Variants in EIF4G2 observed in about 807,000 individuals in gnomAD.
EIF4G2 encodes eukaryotic translation initiation factor 4 gamma 2, also known as DAP-5.
In EIF4G2, 8 loss-of-function variants were observed where a neutral mutation model predicts 117.7. That is an observed-to-expected ratio of 0.07 (90% CI 0.04 to 0.12). The LOEUF is 0.12. EIF4G2 is among the 10% of genes least tolerant of loss of function. The pLI, the probability that EIF4G2 is intolerant of heterozygous loss-of-function variation, is 1.00. For synonymous variants in EIF4G2, 413 were observed against 367.8 expected (o/e 1.12, Z -1.41); for missense variants, 812 against 1,086.2 (o/e 0.75, Z 3.55).
chr11:10,804,705 A>G (rs987950352), intron 5 of EIF4G2: 2 of 603,826 alleles, frequency 3.3e-6, no homozygotes, highest in Non-Finnish European at 5.7e-6. Context: ...TACCTCTTCA[A>G]CCATACCATG....
intron 1 of EIF4G2, chr11:10,807,732 G>C: frequency 2.0e-6 from 2 of 992,874 alleles, no homozygotes; most frequent in Non-Finnish European, 2.4e-6. Flanking sequence ...TCTGCCCTAG[G>C]AATTTTTACT....
At chr11:10,805,223 G>C (rs75797111) in intron 4 of EIF4G2, among the ~76,000 whole-genome samples, 1,835 of 152,288 alleles carry the variant, frequency 0.012, 36 homozygotes, top group African/African-American at 0.039. Context: ...GGGGTCCCCA[G>C]CTGTTTGACA....
chr11:10,804,731 T>A, intron 5 of EIF4G2, 182 bp downstream of exon 5: 1 of 613,072 alleles, frequency 1.6e-6, no homozygotes, highest in Non-Finnish European at 2.8e-6. Context: ...AACATTTACC[T>A]CTTCAATCTA....
chr11:10,800,618 A>G lies in EIF4G2; in HGVS notation c.1674T>C (p.Ser558=). The change falls in exon 17 of 22, where the codon AGT becomes AGC. Residue 558 remains serine (S), a synonymous_variant. Transcript: ENST00000339995. ...CATTGACAGCCTCATTTGCATTTCC[A>G]CTATTTAGATATTCAGTCACAACAG... 1.2e-6 allele frequency: 2 copies of G among 1,614,134 alleles called. No homozygotes were observed. The highest frequency in any genetic ancestry group is 2.2e-5 in the East Asian group (1 of 44,874).
chr11:10,804,898 A>G lies in EIF4G2; in HGVS notation c.351+15T>C, dbSNP rs201384462. Reference sequence around the variant, plus strand: ...TCCCTCTCCCTTTTGAGTTAAGCCAATATTTAAAACTTACCAGCAGTATGA... The same window carrying G: ...TCCCTCTCCCTTTTGAGTTAAGCCAGTATTTAAAACTTACCAGCAGTATGA... On this transcript the variant is annotated intron_variant, in intron 5 of 21. Coordinates refer to ENST00000339995, the MANE Select transcript of EIF4G2 (RefSeq NM_001418.4). The G allele has an allele frequency of 3.3e-5, 53 of 1,599,940 alleles. No individual in the cohort carries two copies. In the African/African-American group the frequency reaches 5.2e-4, roughly 16 times the overall value.
At chr11:10,798,330 G>GA (rs969695876) in intron 21 of EIF4G2, among the ~76,000 whole-genome samples, 2 of 152,236 alleles carry the variant, frequency 1.3e-5, no homozygotes, top group Middle Eastern at 3.4e-3. Flanking sequence ...CATTCAATAA[G>GA]AAAAAATCAA....
chr11:10,807,500 T>A, intron 1 of EIF4G2, 119 bp from the exon 2 acceptor site: 1 of 1,343,554 alleles, frequency 7.4e-7, no homozygotes, highest in Non-Finnish European at 9.5e-7. Context: ...TCTGTAAGAC[T>A]AACCTAAAAT....
rs770358480 is a variant in EIF4G2, at chr11:10,802,395, A to G, written c.1037T>C (p.Met346Thr). Reference sequence around the variant, plus strand: ...TCCCTCCAGAAAGAAGTCACTTCTCATCCCTTGAGCCATAGGAGCAGGAAT... The same window carrying G: ...TCCCTCCAGAAAGAAGTCACTTCTCGTCCCTTGAGCCATAGGAGCAGGAAT... The change falls in exon 12 of 22, where the codon ATG becomes ACG. Residue 346 changes from methionine to threonine, a missense_variant. Transcript: ENST00000339995. The G allele has an allele frequency of 6.2e-7, 1 of 1,613,162 alleles. No individual in the cohort carries two copies. Among genetic ancestry groups the G allele is most frequent in the Admixed American group, 1.7e-5 (1 of 59,818 alleles).
At chr11:10,801,806 T>C (rs1338137181) in intron 13 of EIF4G2, 32 bp from the exon 14 acceptor site, 3 of 1,588,510 alleles carry the variant, frequency 1.9e-6, no homozygotes, top group Non-Finnish European at 2.6e-6. Context: ...AAAGTCTAGA[T>C]AAAAAGGGGT....
In EIF4G2 at chr11:10,802,297, G is replaced by A. The variant is rs777323222; in HGVS notation, c.1135C>T (p.Pro379Ser). The change falls in exon 12 of 22, where the codon CCA becomes TCA. Residue 379 changes from proline (P) to serine (S), a missense_variant. By Grantham distance (74) the Pro-to-Ser change is moderately conservative. Around this residue, in one of 4 missense-constraint regions of EIF4G2, gnomAD observed 571 missense variants for 642.3 expected, o/e 0.89. Coordinates refer to ENST00000339995, the MANE Select transcript of EIF4G2 (RefSeq NM_001418.4). ...ACCATTGTTTTTTCAAAATTACCTG[G>A]CATTTGTCCAAACATATCAGCAAGT... The A allele has an allele frequency of 8.1e-6, 13 of 1,611,698 alleles. No individual in the cohort carries two copies. The highest frequency in any genetic ancestry group is 1.1e-5 in the Non-Finnish European group (13 of 1,179,124).
chr11:10,807,543 A>AG (rs2135422551), intron 1 of EIF4G2, 162 bp from the exon 2 acceptor site: 1 of 1,284,864 alleles, frequency 7.8e-7, no homozygotes, highest in African/African-American at 1.5e-5. Flanking sequence ...CATTTTGTTT[A>AG]GCCACCTGGA....
rs1013565318 is a variant in EIF4G2 at position 10,800,253 on chromosome 11, A to T, written c.1956T>A (p.Ile652=). The T allele has an allele frequency of 1.2e-6, 2 of 1,614,090 alleles. No homozygotes were observed. The highest frequency in any genetic ancestry group is 1.3e-5 in the African/African-American group (1 of 74,936). ...GTTCTGAAATGCTCACCAGCTCTGA[A>T]ATGATGGCACGAGCTGCAAACTGTG... The change falls in exon 18 of 22, where the codon ATT becomes ATA. Residue 652 remains isoleucine, a synonymous_variant. Transcript: ENST00000339995.
At position 10,805,975 on chromosome 11, in the gene EIF4G2, G is replaced by A. The variant is rs140877333; in HGVS notation, c.180C>T (p.Asp60=). The A allele has an allele frequency of 2.1e-5, 34 of 1,614,064 alleles. No homozygotes were observed. Among genetic ancestry groups the A allele is most frequent in the Non-Finnish European group, 2.5e-5 (30 of 1,180,032 alleles). The change falls in exon 4 of 22, where the codon GAC becomes GAT. Residue 60 remains aspartate (D), a synonymous_variant. Transcript: ENST00000339995. ...TTGCGGAGTTGTTTGCTGCGGAGTT[G>A]TCATCTCGTCTAGTGCTTCGTGCAG...
At position 10,799,358 on chromosome 11, in the gene EIF4G2, A is replaced by C. The variant is rs1847354030; in HGVS notation, c.2391T>G (p.Pro797=). 1.1e-5 allele frequency: 18 copies of C among 1,613,354 alleles called. No individual in the cohort carries two copies. Among genetic ancestry groups the C allele is most frequent in the Non-Finnish European group, 1.4e-5 (17 of 1,180,038 alleles). ...TTTCCTGCTCTAACTGTTCTTTGGA[A>C]GGAGCAGAGGATGAATCTGTTTCAT... Residue 797 remains proline, a synonymous_variant, in exon 20 of 22, where the codon CCT becomes CCG. Transcript: ENST00000339995.
intron 1 of EIF4G2, chr11:10,808,038 G>A (rs1418302150): frequency 9.7e-7 from 1 of 1,032,594 alleles, no homozygotes; most frequent in Non-Finnish European, 1.2e-6. Flanking sequence ...CGCTCGACGG[G>A]GAGGAGCAGC....
At position 10,808,771 on chromosome 11, in the gene EIF4G2, A is replaced by C. The variant is rs1847672833; in HGVS notation, c.-153T>G. 1 of 164,794 alleles carries C rather than the reference A, an allele frequency of 6.1e-6. No individual in the cohort carries two copies. Among genetic ancestry groups the C allele is most frequent in the Non-Finnish European group, 1.3e-5 (1 of 74,716 alleles). 10.2% of individuals were successfully genotyped at this position (164,794 alleles called of 1,614,324 possible). On this transcript the variant is annotated 5_prime_UTR_variant, in exon 1 of 22. Coordinates refer to ENST00000339995, the MANE Select transcript of EIF4G2 (RefSeq NM_001418.4). ...CAGGATCCGGTCGTCGGGGATAGGG[A>C]AGGGAGGGGAAAGGGGAACGGAAAA...
intron 3 of EIF4G2, 192 bp downstream of exon 3, chr11:10,806,628 A>T: frequency 1.8e-6 from 1 of 562,876 alleles, no homozygotes; most frequent in Non-Finnish European, 3.1e-6. Flanking sequence ...ACAGCTTGAG[A>T]GTCTCAACTC....
intron 21 of EIF4G2, among the ~76,000 whole-genome samples, chr11:10,798,502 C>T (rs998177470): frequency 2.0e-5 from 3 of 152,130 alleles, no homozygotes; most frequent in Non-Finnish European, 4.4e-5. Flanking sequence ...AAGACATCCT[C>T]CCGAGTAGCT....
chr11:10,805,068 T>C lies in EIF4G2; in HGVS notation c.249-53A>G, dbSNP rs1368206345. The C allele has an allele frequency of 8.7e-6, 12 of 1,372,120 alleles. No individual in the cohort carries two copies. In the African/African-American group the frequency reaches 1.0e-4, roughly 11 times the overall value. 85.0% of individuals were successfully genotyped at this position (1,372,120 alleles called of 1,614,324 possible). On this transcript the variant is annotated intron_variant, in intron 4 of 21. Transcript: ENST00000339995. ...TGTTAGCTAATACACAGAATTTGAA[T>C]TGAAAAACTGCTTTTAAATTATACT...
Sources: allele counts gnomAD v4.1 joint callset (sites outside exome capture counted in the v4.1 genomes callset), GRCh38; gene constraint gnomAD v4.1.1; regional missense constraint gnomAD v4.1.1; transcripts MANE v1.5; gene names NCBI Gene and HGNC (gene_info 2026-07-23, HGNC 2026-07-21).